NCK1: variants seen among roughly 807,000 people sequenced by gnomAD.
NCK1 encodes SH2/SH3 adapter protein NCK1.
A neutral mutation model predicts 36.6 loss-of-function variants in NCK1; 19 were observed. That is an observed-to-expected ratio of 0.52 (90% CI 0.36 to 0.76). The LOEUF (loss-of-function observed/expected upper bound fraction) is 0.76, where lower values mean the gene tolerates loss of function less well. Ranked by LOEUF, NCK1 falls within the 30% of genes least tolerant of loss-of-function variation. NCK1 has a pLI of 0.00. For synonymous variants in NCK1, 165 were observed against 156.0 expected (o/e 1.06, Z -0.43); for missense variants, 358 against 445.6 (o/e 0.80, Z 1.77).
chr3:136,864,241 C>T (rs1938344253), intron 1 of NCK1, among the ~76,000 whole-genome samples: 1 of 152,024 alleles, frequency 6.6e-6, no homozygotes, highest in Non-Finnish European at 1.5e-5. Context: ...GCCTGTAATC[C>T]CAGCACTTTG....
intron 1 of NCK1, among the ~76,000 whole-genome samples, chr3:136,901,248 T>C (rs915817652): frequency 2.6e-5 from 4 of 151,894 alleles, no homozygotes; most frequent in African/African-American, 9.7e-5. Context: ...CTGGGATAAA[T>C]CTCACTTCAT....
intron 1 of NCK1, among the ~76,000 whole-genome samples, chr3:136,885,519 G>T (rs1939054258): frequency 6.6e-6 from 1 of 152,104 alleles, no homozygotes; most frequent in African/African-American, 2.4e-5. Context: ...TGCCCAGGCT[G>T]GCCTCCAACT....
chr3:136,863,486 TG>T (rs1239968009), intron 1 of NCK1, among the ~76,000 whole-genome samples: 1 of 152,126 alleles, frequency 6.6e-6, no homozygotes, highest in Non-Finnish European at 1.5e-5. Context: ...AATTTTCTTG[TG>T]GGGGGTGGAG....
At chr3:136,881,543 T>A (rs1483697426) in intron 1 of NCK1, among the ~76,000 whole-genome samples, 1 of 152,152 alleles carries the variant, frequency 6.6e-6, no homozygotes, top group African/African-American at 2.4e-5. Flanking sequence ...GTAAACTGCA[T>A]AAGCATAAAG....
At chr3:136,873,040 C>T (rs1021960485) in intron 1 of NCK1, among the ~76,000 whole-genome samples, 7 of 152,300 alleles carry the variant, frequency 4.6e-5, no homozygotes, top group Admixed American at 6.5e-5. Context: ...AGTTCCTACT[C>T]GGGTACCGCC....
At chr3:136,876,834 C>A (rs1166448828) in intron 1 of NCK1, among the ~76,000 whole-genome samples, 1 of 152,144 alleles carries the variant, frequency 6.6e-6, no homozygotes, top group Admixed American at 6.6e-5. Flanking sequence ...CTGTCTGGAT[C>A]TCCCTTCCTG....
intron 1 of NCK1, among the ~76,000 whole-genome samples, chr3:136,911,347 G>A (rs568054685): frequency 1.3e-5 from 2 of 152,198 alleles, no homozygotes; most frequent in East Asian, 3.9e-4. Flanking sequence ...CATAATGGCT[G>A]TACTAATTTA....
intron 1 of NCK1, among the ~76,000 whole-genome samples, chr3:136,900,743 A>G (rs947640821): frequency 1.3e-5 from 2 of 152,006 alleles, no homozygotes; most frequent in African/African-American, 2.4e-5. Context: ...ATGGATGCAT[A>G]TTGATTTATG....
intron 1 of NCK1, among the ~76,000 whole-genome samples, chr3:136,885,998 G>A (rs1939064837): frequency 6.6e-6 from 1 of 152,164 alleles, no homozygotes; most frequent in Admixed American, 6.5e-5. Context: ...TATTTCATCT[G>A]TTCTAAACCA....
intron 1 of NCK1, among the ~76,000 whole-genome samples, chr3:136,880,454 C>G (rs190401360): frequency 1.3e-5 from 2 of 152,074 alleles, no homozygotes; most frequent in Non-Finnish European, 2.9e-5. Context: ...TGACTATCTA[C>G]AAGCCAACTA....
chr3:136,898,604 G>A (rs1369391841), intron 1 of NCK1, among the ~76,000 whole-genome samples: 1 of 152,036 alleles, frequency 6.6e-6, no homozygotes, highest in African/African-American at 2.4e-5. Flanking sequence ...AAAAAATTTG[G>A]CTAAAATACA....
intron 1 of NCK1, among the ~76,000 whole-genome samples, chr3:136,870,501 A>G (rs561764151): frequency 3.3e-5 from 5 of 152,134 alleles, no homozygotes; most frequent in African/African-American, 1.2e-4. Flanking sequence ...TATAAATTTA[A>G]TAGGGCTGGG....
intron 1 of NCK1, among the ~76,000 whole-genome samples, chr3:136,871,092 A>T (rs1560030303): frequency 6.6e-6 from 1 of 151,556 alleles, no homozygotes; most frequent in African/African-American, 2.4e-5. Flanking sequence ...AAGCTTACTA[A>T]TTTTTTTTTA....
chr3:136,891,553 A>G (rs1939246327), intron 1 of NCK1, among the ~76,000 whole-genome samples: 1 of 152,228 alleles, frequency 6.6e-6, no homozygotes. Context: ...GTTTGTATCC[A>G]TAAGTGAAAT....
chr3:136,868,070 A>G (rs1423004746), intron 1 of NCK1, among the ~76,000 whole-genome samples: 1 of 152,000 alleles, frequency 6.6e-6, no homozygotes, highest in Non-Finnish European at 1.5e-5. Context: ...GGCACCTGCC[A>G]CCACACCTGG....
At chr3:136,893,198 A>ACACACACACACACACACCATATT (rs1347213828) in intron 1 of NCK1, among the ~76,000 whole-genome samples, 24 of 132,136 alleles carry the variant, frequency 1.8e-4, no homozygotes, top group Non-Finnish European at 2.5e-4. Flanking sequence ...ATATACACAC[A>ACACACACACACACACACCATATT]TGTGCAAGTA....
At chr3:136,943,534 T>C (rs937549107) in intron 2 of NCK1, among the ~76,000 whole-genome samples, 1 of 152,228 alleles carries the variant, frequency 6.6e-6, no homozygotes, top group Non-Finnish European at 1.5e-5. Flanking sequence ...AGTGTATGAT[T>C]TCCTTGGAAT....
intron 1 of NCK1, among the ~76,000 whole-genome samples, chr3:136,880,135 A>G (rs1215005759): frequency 6.6e-6 from 1 of 152,030 alleles, no homozygotes; most frequent in East Asian, 1.9e-4. Context: ...ATACAAAAAA[A>G]TTAGCCGGGT....
chr3:136,878,427 G>A (rs1938835016), intron 1 of NCK1, among the ~76,000 whole-genome samples: 1 of 151,938 alleles, frequency 6.6e-6, no homozygotes, highest in African/African-American at 2.4e-5. Context: ...ACAAACAAAT[G>A]TGCTAAGTAT....
Sources: gnomAD v4.1 joint callset for allele counts (sites outside exome capture counted in the v4.1 genomes callset) on GRCh38, gnomAD v4.1.1 for gene constraint, MANE v1.5 for transcripts, NCBI Gene and HGNC (gene_info 2026-07-23, HGNC 2026-07-21) for gene names.